ASB18: variants seen among roughly 807,000 people sequenced by gnomAD.
ASB18 encodes ankyrin repeat and SOCS box protein 18.
ASB18 carries 33 observed loss-of-function variants against 33.4 expected under a neutral mutation model. That is an observed-to-expected ratio of 0.99 (90% CI 0.75 to 1.32). The LOEUF (loss-of-function observed/expected upper bound fraction) is 1.32. ASB18 is among the 40% of genes most tolerant of loss of function. The pLI, the probability that ASB18 is intolerant of heterozygous loss-of-function variation, is 0.00. For missense variants in ASB18, 694 were observed against 655.5 expected, an observed-to-expected ratio of 1.06 and a Z score of -0.64; for synonymous variants, 295 against 307.6, an observed-to-expected ratio of 0.96 and a Z score of 0.43.
intron 2 of ASB18, among the ~76,000 whole-genome samples, chr2:236,240,315 G>A (rs1358474717): frequency 1.3e-5 from 2 of 152,172 alleles, no homozygotes; most frequent in Non-Finnish European, 2.9e-5. Context: ...TCGGCCCTCT[G>A]ACAGTGTTTT....
Position 236,217,806 on chromosome 2 carries a change from T to C in ASB18, c.597-2940A>G, listed in dbSNP as rs1348124683. Among the ~76,000 whole-genome samples, 1 of 152,200 alleles carries C rather than the reference T, an allele frequency of 6.6e-6. No individual in the cohort carries two copies. The highest frequency in any genetic ancestry group is 2.4e-5 in the African/African-American group (1 of 41,450). On this transcript the variant is annotated intron_variant, in intron 3 of 5. Transcript: ENST00000409749. This position sits in a 1 kb window ranked among gnomAD's most constrained non-coding sequence, Gnocchi z 5.2. ...CTTTACAAACAAGTACAGTTTGATGTGGAGTCCTTTGGGACCAGGACTGGC... is the reference window on the plus strand; with the variant it reads ...CTTTACAAACAAGTACAGTTTGATGCGGAGTCCTTTGGGACCAGGACTGGC...
In ASB18 at chr2:236,211,189, G is replaced by A. The variant is rs1471760570; in HGVS notation, c.1101+3173C>T. Among the ~76,000 whole-genome samples, 1 of 152,142 alleles carries A rather than the reference G, an allele frequency of 6.6e-6. No individual in the cohort carries two copies. The highest frequency in any genetic ancestry group is 6.5e-5 in the Admixed American group (1 of 15,286). On this transcript the variant is annotated intron_variant, in intron 4 of 5. Coordinates refer to ENST00000409749, the MANE Select transcript of ASB18 (RefSeq NM_212556.4). This position sits in a 1 kb window ranked among gnomAD's most constrained non-coding sequence, Gnocchi z 5.0. Reference sequence around the variant, plus strand: ...TGCCTTCCTACCTGCTGTCCAACAGGCCCAGCCCCAGCCTGCCCTGACATC... The same window carrying A: ...TGCCTTCCTACCTGCTGTCCAACAGACCCAGCCCCAGCCTGCCCTGACATC...
rs952618205 is a variant in ASB18, at chr2:236,244,483, T to G, written c.206-3081A>C. On this transcript the variant is annotated intron_variant, in intron 1 of 5. Coordinates refer to ENST00000409749, the MANE Select transcript of ASB18 (RefSeq NM_212556.4). This position sits in a 1 kb window ranked among gnomAD's most constrained non-coding sequence, Gnocchi z 6.1. ...CAGAGAATCAACAGGAAAACAGATG[T>G]GAAATCAAGGAATAGAGCTCACTGG... Among the ~76,000 whole-genome samples the G allele has an allele frequency of 6.6e-6, 1 of 152,194 alleles. No individual in the cohort carries two copies. Among genetic ancestry groups the G allele is most frequent in the Non-Finnish European group, 1.5e-5 (1 of 68,032 alleles).
rs2060711667 is a variant in ASB18 at position 236,260,203 on chromosome 2, G to T, written c.205+3938C>A. ...ACTCAGAGTTCTGTCTACTGGGCTT[G>T]TCCTTGGGATAGAAACCTCTTCCCT... On this transcript the variant is annotated intron_variant, in intron 1 of 5. Coordinates refer to ENST00000409749, the MANE Select transcript of ASB18 (RefSeq NM_212556.4). This position sits in a 1 kb window ranked among gnomAD's most constrained non-coding sequence, Gnocchi z 5.1. 6.6e-6 allele frequency among the ~76,000 whole-genome samples: 1 copy of T among 152,030 alleles called. No homozygotes were observed. The highest frequency in any genetic ancestry group is 1.5e-5 in the Non-Finnish European group (1 of 68,022).
In ASB18 at chr2:236,245,113, G is replaced by C. The variant is rs1297674711; in HGVS notation, c.206-3711C>G. On this transcript the variant is annotated intron_variant, in intron 1 of 5. Coordinates refer to ENST00000409749, the MANE Select transcript of ASB18 (RefSeq NM_212556.4). This position sits in a 1 kb window ranked among gnomAD's most constrained non-coding sequence, Gnocchi z 4.7. ...TGGGTGTGGGGGGAGACTTGGCCAT[G>C]ACCCAAATTGGTTGCCACGGGGGCC... 2.0e-5 allele frequency among the ~76,000 whole-genome samples: 3 copies of C among 152,162 alleles called. No homozygotes were observed. Among genetic ancestry groups the C allele is most frequent in the Non-Finnish European group, 4.4e-5 (3 of 68,034 alleles).
At position 236,196,699 on chromosome 2, in the gene ASB18, C is replaced by T. The variant is rs1167270382; in HGVS notation, c.1102-314G>A. ...GGGCTATGCTGGTGGCTTGGCAGGCCTCCTTGGCCCCCAGAGAGCTGCTCA... is the reference window on the plus strand; with the variant it reads ...GGGCTATGCTGGTGGCTTGGCAGGCTTCCTTGGCCCCCAGAGAGCTGCTCA... On this transcript the variant is annotated intron_variant, in intron 4 of 5. Coordinates refer to ENST00000409749, the MANE Select transcript of ASB18 (RefSeq NM_212556.4). This position sits in a 1 kb window ranked among gnomAD's most constrained non-coding sequence, Gnocchi z 5.6. Among the ~76,000 whole-genome samples the T allele has an allele frequency of 1.3e-5, 2 of 152,202 alleles. No homozygotes were observed. The highest frequency in any genetic ancestry group is 4.8e-5 in the African/African-American group (2 of 41,450).
chr2:236,256,722 C>T lies in ASB18; in HGVS notation c.205+7419G>A, dbSNP rs546107923. ...AAAATACCCTGATTTAGTCTAATTG[C>T]AATTTCACTGTGTTCCACAGGCAGT... is the stretch of plus-strand genomic sequence containing the variant. On this transcript the variant is annotated intron_variant, in intron 1 of 5. Coordinates refer to ENST00000409749, the MANE Select transcript of ASB18 (RefSeq NM_212556.4). This position sits in a 1 kb window ranked among gnomAD's most constrained non-coding sequence, Gnocchi z 4.7. 5.9e-5 allele frequency among the ~76,000 whole-genome samples: 9 copies of T among 152,278 alleles called. No individual in the cohort carries two copies. The South Asian group carries it at 1.9e-3, about 32-fold the overall frequency.
chr2:236,241,540 G>T lies in ASB18; in HGVS notation c.206-138C>A. ...CTCCATTGAGATGCCGTCGATTTCA[G>T]AAGAGTTCTTCAGGAACGGGAAAGA... On this transcript the variant is annotated intron_variant, in intron 1 of 5. Coordinates refer to ENST00000409749, the MANE Select transcript of ASB18 (RefSeq NM_212556.4). The surrounding 1 kb of genome is among the most constrained non-coding windows in gnomAD (Gnocchi z 4.2). 1.0e-6 allele frequency: 1 copy of T among 959,584 alleles called. No individual in the cohort carries two copies. The allele number at this position is 959,584 out of a possible 1,614,324, so 59.4% of individuals were successfully genotyped here. A position where few individuals can be genotyped will look rare whatever the true frequency, so the allele number is the denominator to read the frequency against.
Position 236,196,223 on chromosome 2 carries a change from A to C in ASB18, c.1215+49T>G. 1 of 1,066,834 alleles carries C rather than the reference A, an allele frequency of 9.4e-7. No individual in the cohort carries two copies. The highest frequency in any genetic ancestry group is 1.3e-5 in the South Asian group (1 of 74,424). 66.1% of individuals were successfully genotyped at this position (1,066,834 alleles called of 1,614,324 possible). A position where few individuals can be genotyped will look rare whatever the true frequency, so the allele number is the denominator to read the frequency against. ...AAACTCCCCATGCAAAGAAGCAAAAACAGACAAAAGTTTTGTACTAAAGAT... is the reference window on the plus strand; with the variant it reads ...AAACTCCCCATGCAAAGAAGCAAAACCAGACAAAAGTTTTGTACTAAAGAT... On this transcript the variant is annotated intron_variant, in intron 5 of 5. Transcript: ENST00000409749. This position sits in a 1 kb window ranked among gnomAD's most constrained non-coding sequence, Gnocchi z 5.6.
At position 236,214,685 on chromosome 2, in the gene ASB18, A is replaced by G. The variant is rs1576398556; in HGVS notation, c.778T>C (p.Cys260Arg). The G allele has an allele frequency of 8.7e-7, 1 of 1,143,428 alleles. No homozygotes were observed. 70.8% of individuals were successfully genotyped at this position (1,143,428 alleles called of 1,614,324 possible). Residue 260 changes from cysteine to arginine, a missense_variant, in exon 4 of 6, where the codon TGC becomes CGC. By Grantham distance (180) the Cys-to-Arg change is radical. Coordinates refer to ENST00000409749, the MANE Select transcript of ASB18 (RefSeq NM_212556.4). The surrounding 1 kb of genome is among the most constrained non-coding windows in gnomAD (Gnocchi z 6.5). Reference protein sequence around the residue: ...GRGETALSAACGAARRPDEHG... With the variant: ...GRGETALSAARGAARRPDEHG... ...TCGTCGGGCCTCCGCGCCGCACCGC[A>G]GGCCGCGCTCAGAGCCGTCTCTCCG...
At chr2:236,201,579 T>C (rs186166666) in intron 4 of ASB18, among the ~76,000 whole-genome samples, 2 of 152,324 alleles carry the variant, frequency 1.3e-5, no homozygotes, top group East Asian at 3.9e-4. Flanking sequence ...TTTTCTGGTA[T>C]ATTGCAATAT....
Position 236,217,412 on chromosome 2 carries a change from C to CAA in ASB18, c.597-2548_597-2547dup, listed in dbSNP as rs1184456986. On this transcript the variant is annotated intron_variant, in intron 3 of 5. Transcript: ENST00000409749. The surrounding 1 kb of genome is among the most constrained non-coding windows in gnomAD (Gnocchi z 5.2). ...GGGGCAACAGAGCGAGACTCTGTCT[C>CAA]AAAAAAAAAAAAAAATAAATCTTGG... Among the ~76,000 whole-genome samples, 520 of 85,348 alleles carry CAA rather than the reference C, an allele frequency of 6.1e-3. 1 individual carries two copies. The highest frequency in any genetic ancestry group is 0.033 in the African/African-American group (458 of 13,706). The allele number at this position is 85,348 out of a possible 152,430, so 56.0% of individuals were successfully genotyped here. A position where few individuals can be genotyped will look rare whatever the true frequency, so the allele number is the denominator to read the frequency against.
At position 236,209,777 on chromosome 2, in the gene ASB18, C is replaced by G. The variant is rs1380137850; in HGVS notation, c.1101+4585G>C. 6.6e-6 allele frequency among the ~76,000 whole-genome samples: 1 copy of G among 152,212 alleles called. No homozygotes were observed. Among genetic ancestry groups the G allele is most frequent in the Non-Finnish European group, 1.5e-5 (1 of 68,042 alleles). On this transcript the variant is annotated intron_variant, in intron 4 of 5. Coordinates refer to ENST00000409749, the MANE Select transcript of ASB18 (RefSeq NM_212556.4). This position sits in a 1 kb window ranked among gnomAD's most constrained non-coding sequence, Gnocchi z 4.4. ...TCCCAATATTCCAAAGTCAGAGGCC[C>G]AGGCCCTTAAGGCCCTGCCTGGCTG... is the stretch of plus-strand genomic sequence containing the variant.
Position 236,238,596 on chromosome 2 carries a change from T to C in ASB18, c.329-640A>G, listed in dbSNP as rs1396204612. ...TTCAGCACAATCCTGGTTTGTTTCT[T>C]TGCGCTTTTTAGGGGTGTGTGTGTG... On this transcript the variant is annotated intron_variant, in intron 2 of 5. Transcript: ENST00000409749. This position sits in a 1 kb window ranked among gnomAD's most constrained non-coding sequence, Gnocchi z 5.2. Among the ~76,000 whole-genome samples, 1 of 119,078 alleles carries C rather than the reference T, an allele frequency of 8.4e-6. No homozygotes were observed. The highest frequency in any genetic ancestry group is 3.3e-5 in the African/African-American group (1 of 30,048). The allele number at this position is 119,078 out of a possible 152,430, so 78.1% of individuals were successfully genotyped here.
intron 3 of ASB18, among the ~76,000 whole-genome samples, chr2:236,232,742 A>C (rs977752905): frequency 6.6e-6 from 1 of 152,090 alleles, no homozygotes; most frequent in African/African-American, 2.4e-5. Flanking sequence ...CTCAAAAAAA[A>C]AGAAATAATC....
At chr2:236,242,130 T>C (rs1364556140) in intron 1 of ASB18, among the ~76,000 whole-genome samples, 4 of 152,150 alleles carry the variant, frequency 2.6e-5, no homozygotes, top group African/African-American at 9.7e-5. Flanking sequence ...AACAACCACA[T>C]GAAGGAAATA....
rs1245924908 is a variant in ASB18, at chr2:236,215,222, G to T, written c.597-356C>A. Among the ~76,000 whole-genome samples, 1 of 152,136 alleles carries T rather than the reference G, an allele frequency of 6.6e-6. No homozygotes were observed. Among genetic ancestry groups the T allele is most frequent in the East Asian group, 1.9e-4 (1 of 5,180 alleles). ...CCTGAGCTCTTTGTCACACCTGGAG[G>T]TTAAGGGTTTGGCAGTCACAGTTCT... is the stretch of plus-strand genomic sequence containing the variant. On this transcript the variant is annotated intron_variant, in intron 3 of 5. Coordinates refer to ENST00000409749, the MANE Select transcript of ASB18 (RefSeq NM_212556.4). This position sits in a 1 kb window ranked among gnomAD's most constrained non-coding sequence, Gnocchi z 7.2.
In ASB18 at chr2:236,234,888, T is replaced by A. The variant is rs1233815589; in HGVS notation, c.596+2801A>T. On this transcript the variant is annotated intron_variant, in intron 3 of 5. Coordinates refer to ENST00000409749, the MANE Select transcript of ASB18 (RefSeq NM_212556.4). The surrounding 1 kb of genome is among the most constrained non-coding windows in gnomAD (Gnocchi z 4.1). ...CTGTATGACCTTGGGTTAGGCAGAT[T>A]TTTTTTTAGATATCATAACCCAACC... 3.9e-5 allele frequency among the ~76,000 whole-genome samples: 6 copies of A among 151,960 alleles called. No individual in the cohort carries two copies. The highest frequency in any genetic ancestry group is 1.2e-4 in the African/African-American group (5 of 41,392).
rs184316670 is a variant in ASB18 at position 236,235,600 on chromosome 2, A to G, written c.596+2089T>C. On this transcript the variant is annotated intron_variant, in intron 3 of 5. Coordinates refer to ENST00000409749, the MANE Select transcript of ASB18 (RefSeq NM_212556.4). This position sits in a 1 kb window ranked among gnomAD's most constrained non-coding sequence, Gnocchi z 6.2. ...TTAGAATGTATACAATTAAGCCCTG[A>G]CCATACCATGTATTGGTGAGGCTGT... 1.6e-4 allele frequency among the ~76,000 whole-genome samples: 24 copies of G among 152,358 alleles called. No individual in the cohort carries two copies. The highest frequency in any genetic ancestry group is 2.8e-4 in the Non-Finnish European group (19 of 68,038).
Sources: allele counts gnomAD v4.1 joint callset (sites outside exome capture counted in the v4.1 genomes callset), GRCh38; gene constraint gnomAD v4.1.1; non-coding constraint Gnocchi (gnomAD v3.1); transcripts MANE v1.5; gene names NCBI Gene and HGNC (gene_info 2026-07-23, HGNC 2026-07-21).